ZCCHC4: variants seen among roughly 807,000 people sequenced by gnomAD.
ZCCHC4 encodes the protein rRNA N(6)-adenosine-methyltransferase ZCCHC4.
ZCCHC4 carries 54 observed loss-of-function variants against 67.7 expected under a neutral mutation model. That is an observed-to-expected ratio of 0.80 (90% CI 0.64 to 1.00). The LOEUF (loss-of-function observed/expected upper bound fraction) is 1.00. Ranked by LOEUF, ZCCHC4 falls within the 50% of genes least tolerant of loss-of-function variation. The probability of loss-of-function intolerance (pLI) is 0.00; values close to 1 mark genes in which losing one functional copy is unlikely to be tolerated. For missense variants in ZCCHC4, 609 were observed against 617.0 expected, an observed-to-expected ratio of 0.99 and a Z score of 0.14; for synonymous variants, 198 against 213.5, an observed-to-expected ratio of 0.93 and a Z score of 0.63.
chr4:25,325,553 T>A (rs1010701366), intron 3 of ZCCHC4, among the ~76,000 whole-genome samples: 15 of 152,170 alleles, frequency 9.9e-5, no homozygotes, highest in Admixed American at 5.9e-4. Flanking sequence ...CGTGAGCCAC[T>A]GTGCTGTCTT....
In ZCCHC4 at chr4:25,344,879, T is replaced by C. The variant is rs140604835; in HGVS notation, c.687-669T>C. Among the ~76,000 whole-genome samples, 2,090 of 151,848 alleles carry C rather than the reference T, an allele frequency of 0.014. 93 individuals are homozygous for C. In the East Asian group the frequency reaches 0.15, roughly 11 times the overall value. ...GTATAGTGGTGTGATCTTGGCTCAC[T>C]GCATCCTCCGCCTCCTGGGCTCAAG... On this transcript the variant is annotated intron_variant, in intron 5 of 12. Coordinates refer to ENST00000302874, the MANE Select transcript of ZCCHC4 (RefSeq NM_024936.3).
intron 3 of ZCCHC4, among the ~76,000 whole-genome samples, chr4:25,319,948 C>T (rs914767316): frequency 6.6e-6 from 1 of 152,058 alleles, no homozygotes; most frequent in Non-Finnish European, 1.5e-5. Flanking sequence ...TGTGCAGTTA[C>T]AATAGCTTTT....
chr4:25,358,309 G>A (rs1203120922), intron 8 of ZCCHC4, among the ~76,000 whole-genome samples: 1 of 152,076 alleles, frequency 6.6e-6, no homozygotes, highest in East Asian at 1.9e-4. Flanking sequence ...AACCTTCACA[G>A]CAACTTTAAG....
intron 3 of ZCCHC4, among the ~76,000 whole-genome samples, chr4:25,327,116 G>A (rs1255764950): frequency 6.6e-6 from 1 of 152,114 alleles, no homozygotes; most frequent in African/African-American, 2.4e-5. Flanking sequence ...TTGTACATGT[G>A]TGATCATGTT....
chr4:25,348,861 T>C (rs1009918500), intron 6 of ZCCHC4, among the ~76,000 whole-genome samples: 2 of 152,196 alleles, frequency 1.3e-5, no homozygotes, highest in African/African-American at 4.8e-5. Context: ...CCTGTTAATG[T>C]TTACTTTGCA....
chr4:25,314,066 A>C lies in ZCCHC4; in HGVS notation c.148A>C (p.Lys50Gln), dbSNP rs1309322517. ...CPHGPTLLFV[K>Q]VTQGKEETRR... The stretch of plus-strand genomic sequence containing the variant: ...ACTAGGACCCACTCTTCTGTTTGTA[A>C]AGGTGACCCAAGGGAAAGAAGAAAC... Residue 50 changes from lysine (K) to glutamine (Q), a missense_variant, in exon 2 of 13, where the codon AAG becomes CAG. Lys to Gln is a moderately conservative substitution (Grantham distance 53). Transcript: ENST00000302874. The C allele has an allele frequency of 6.9e-6, 11 of 1,595,066 alleles. No homozygotes were observed. In the East Asian group the frequency reaches 2.5e-4, roughly 36 times the overall value.
chr4:25,349,669 A>G (rs773284696), intron 7 of ZCCHC4, 27 bp downstream of exon 7: 1 of 1,606,492 alleles, frequency 6.2e-7, no homozygotes, highest in Admixed American at 1.7e-5. Flanking sequence ...TGCAAAATAA[A>G]TACATATCTA....
rs182752674 is a variant in ZCCHC4 at position 25,332,423 on chromosome 4, A to G, written c.330-760A>G. ...TCCATGTTCCTCAATCATATTATTT[A>G]TTTTTCTTTTGTTTTCTTACTGATA... is the stretch of plus-strand genomic sequence containing the variant. On this transcript the variant is annotated intron_variant, in intron 3 of 12. Transcript: ENST00000302874. Among the ~76,000 whole-genome samples, 475 of 150,852 alleles carry G rather than the reference A, an allele frequency of 3.1e-3. 6 individuals carry two copies. The highest frequency in any genetic ancestry group is 0.011 in the African/African-American group (454 of 41,136).
chr4:25,356,041 C>T (rs577651191), intron 8 of ZCCHC4, among the ~76,000 whole-genome samples: 17 of 152,282 alleles, frequency 1.1e-4, no homozygotes, highest in East Asian at 5.8e-4. Flanking sequence ...TTGACATGGA[C>T]GTCTCGGTCT....
chr4:25,359,019 C>G lies in ZCCHC4; in HGVS notation c.1012-2840C>G, dbSNP rs2667296. 1.3e-5 allele frequency among the ~76,000 whole-genome samples: 2 copies of G among 151,978 alleles called. No individual in the cohort carries two copies. Among genetic ancestry groups the G allele is most frequent in the Non-Finnish European group, 2.9e-5 (2 of 67,994 alleles). On this transcript the variant is annotated intron_variant, in intron 8 of 12. Coordinates refer to ENST00000302874, the MANE Select transcript of ZCCHC4 (RefSeq NM_024936.3). The surrounding 1 kb of genome is among the most constrained non-coding windows in gnomAD (Gnocchi z 4.9). The stretch of plus-strand genomic sequence containing the variant: ...ACACTTGGCGTGACAATTGACATCA[C>G]GAACAGGATACTGAGGAGAGTGAGC...
intron 12 of ZCCHC4, chr4:25,366,151 A>C: frequency 2.0e-6 from 2 of 983,742 alleles, no homozygotes; most frequent in Non-Finnish European, 2.4e-6. Flanking sequence ...ATTTGTGGTC[A>C]GTGAAAATTT....
chr4:25,320,169 T>C (rs996653341), intron 3 of ZCCHC4, among the ~76,000 whole-genome samples: 1 of 152,182 alleles, frequency 6.6e-6, no homozygotes, highest in Admixed American at 6.5e-5. Flanking sequence ...TTACATTTTG[T>C]GCCTGAGATT....
At chr4:25,343,728 T>C (rs889867816) in intron 5 of ZCCHC4, among the ~76,000 whole-genome samples, 4 of 152,242 alleles carry the variant, frequency 2.6e-5, no homozygotes, top group African/African-American at 9.6e-5. Flanking sequence ...CCACAGTTAA[T>C]GGGAAGAGGA....
At chr4:25,343,228 A>G (rs1280567998) in intron 5 of ZCCHC4, among the ~76,000 whole-genome samples, 3 of 152,210 alleles carry the variant, frequency 2.0e-5, no homozygotes, top group Non-Finnish European at 4.4e-5. Context: ...AGGTTACGGT[A>G]TATAGTTTAA....
Position 25,351,592 on chromosome 4 carries a change from A to T in ZCCHC4, c.914A>T (p.Asp305Val), listed in dbSNP as rs779158515. ...TTTCCTTTTTGTGATCCATTAGATG[A>T]CAGTCACAAAGAACTACCCATTTTC... is the stretch of plus-strand genomic sequence containing the variant. ...AMWKEGQSQD[D>V]SHKELPIFWI... Residue 305 changes from aspartate to valine, a missense_variant, in exon 8 of 13, where the codon GAC becomes GTC. Asp to Val is a radical substitution (Grantham distance 152). Coordinates refer to ENST00000302874, the MANE Select transcript of ZCCHC4 (RefSeq NM_024936.3). 6.2e-7 allele frequency: 1 copy of T among 1,602,140 alleles called. No homozygotes were observed. The highest frequency in any genetic ancestry group is 2.2e-5 in the East Asian group (1 of 44,632).
intron 3 of ZCCHC4, among the ~76,000 whole-genome samples, chr4:25,320,131 A>G (rs1718499796): frequency 6.6e-6 from 1 of 151,112 alleles, no homozygotes; most frequent in Non-Finnish European, 1.5e-5. Flanking sequence ...AGCATGCTTT[A>G]TGTTTCATAT....
In ZCCHC4 at chr4:25,333,183, G is replaced by T; in HGVS notation, c.330G>T (p.Arg110Ser). 6.2e-7 allele frequency: 1 copy of T among 1,609,868 alleles called. No individual in the cohort carries two copies. The highest frequency in any genetic ancestry group is 8.5e-7 in the Non-Finnish European group (1 of 1,176,858). The change falls in exon 4 of 13, where the codon AGG becomes AGT. Residue 110 changes from arginine to serine, a missense_variant and splice_region_variant. Transcript: ENST00000302874. The stretch of plus-strand genomic sequence containing the variant: ...CTTTGTGTTTTATTTTGTCTTGAAG[G>T]TACTTGAAGTTTATTGAGTTGCCCT... ...PPLSRTQCVE[R>S]YLKFIELPLT...
intron 1 of ZCCHC4, 121 bp downstream of exon 1, chr4:25,313,057 G>C: frequency 7.3e-7 from 1 of 1,372,974 alleles, no homozygotes; most frequent in Admixed American, 2.4e-5. Context: ...GTGCTGCCTA[G>C]AAAATACTCC....
At chr4:25,327,912 A>G (rs978486042) in intron 3 of ZCCHC4, among the ~76,000 whole-genome samples, 8 of 152,248 alleles carry the variant, frequency 5.3e-5, no homozygotes, top group Non-Finnish European at 7.3e-5. Context: ...ACTTTTAAAC[A>G]ACCTTGCTTT....
Sources: gnomAD v4.1 joint callset for allele counts (sites outside exome capture counted in the v4.1 genomes callset) on GRCh38, gnomAD v4.1.1 for gene constraint, Gnocchi (gnomAD v3.1) non-coding constraint, MANE v1.5 for transcripts, NCBI Gene and HGNC (gene_info 2026-07-23, HGNC 2026-07-21) for gene names.